GPC6: variants seen among roughly 807,000 people sequenced by gnomAD.
The protein encoded by GPC6 is glypican 6.
GPC6 carries 14 observed loss-of-function variants against 55.2 expected under a neutral mutation model. The ratio of observed to expected loss-of-function variants is 0.25; its 90% CI spans 0.17 to 0.40. The LOEUF is 0.40. Ranked by LOEUF, GPC6 falls within the 10% of genes least tolerant of loss-of-function variation. The pLI is 1.00. For synonymous variants in GPC6, 278 were observed against 259.6 expected, an observed-to-expected ratio of 1.07 and a Z score of -0.68; for missense variants, 641 against 708.5, an observed-to-expected ratio of 0.90 and a Z score of 1.08.
chr13:94,146,606 G>A (rs1887570703), intron 4 of GPC6, among the ~76,000 whole-genome samples: 1 of 152,072 alleles, frequency 6.6e-6, no homozygotes, highest in South Asian at 2.1e-4. Context: ...TATCAATAAT[G>A]TGCAAGATAG....
intron 4 of GPC6, among the ~76,000 whole-genome samples, chr13:94,204,024 T>C (rs1385880683): frequency 6.6e-6 from 1 of 152,174 alleles, no homozygotes; most frequent in Non-Finnish European, 1.5e-5. Flanking sequence ...TTTAAACATA[T>C]AACTTTGAAG....
intron 1 of GPC6, among the ~76,000 whole-genome samples, chr13:93,316,476 A>G (rs946757236): frequency 1.3e-5 from 2 of 152,104 alleles, no homozygotes; most frequent in African/African-American, 4.8e-5. Flanking sequence ...TGAACAAATT[A>G]TTGTGCAGGT....
chr13:93,346,983 A>T, intron 1 of GPC6, among the ~76,000 whole-genome samples: 1 of 152,200 alleles, frequency 6.6e-6, no homozygotes, highest in Non-Finnish European at 1.5e-5. Flanking sequence ...ATAAATGATA[A>T]ATCAAAACTA....
intron 2 of GPC6, among the ~76,000 whole-genome samples, chr13:93,820,539 C>G (rs1307945642): frequency 6.6e-6 from 1 of 150,980 alleles, no homozygotes; most frequent in East Asian, 1.9e-4. Flanking sequence ...TGTTGCAGGG[C>G]CTTTGATAGT....
intron 6 of GPC6, among the ~76,000 whole-genome samples, chr13:94,338,122 T>C (rs907436240): frequency 1.5e-4 from 23 of 152,224 alleles, no homozygotes; most frequent in African/African-American, 5.5e-4. Flanking sequence ...TTTTAAAAAA[T>C]AGAAATCACA....
intron 1 of GPC6, among the ~76,000 whole-genome samples, chr13:93,542,368 G>A (rs1311940999): frequency 1.3e-5 from 2 of 152,230 alleles, no homozygotes; most frequent in Admixed American, 1.3e-4. Flanking sequence ...GCTCTGTTCT[G>A]TACCATTGAT....
intron 2 of GPC6, among the ~76,000 whole-genome samples, chr13:93,675,601 A>G (rs183051879): frequency 1.3e-5 from 2 of 152,258 alleles, no homozygotes; most frequent in Admixed American, 6.5e-5. Flanking sequence ...TTTTGCATAC[A>G]TTTTAGTTCA....
At chr13:93,217,086 A>G in the GPC6 span, among the ~76,000 whole-genome samples, 11 of 152,230 alleles carry the variant, frequency 7.2e-5, no homozygotes, top group Admixed American at 7.2e-4. Flanking sequence ...AAGTCCAAAG[A>G]CTTCTAATGA....
At chr13:93,440,554 A>G (rs1414997725) in intron 1 of GPC6, among the ~76,000 whole-genome samples, 2 of 152,204 alleles carry the variant, frequency 1.3e-5, no homozygotes, top group African/African-American at 2.4e-5. Context: ...GGGTGTCAAA[A>G]AGATCACCCA....
At chr13:93,547,802 A>C (rs9584126) in intron 2 of GPC6, among the ~76,000 whole-genome samples, 3,547 of 151,682 alleles carry the variant, frequency 0.023, 90 homozygotes, top group East Asian at 0.078. Flanking sequence ...TAATAATAAT[A>C]ATCATCATCA....
chr13:94,099,567 G>A (rs1468290255), intron 4 of GPC6, among the ~76,000 whole-genome samples: 5 of 152,036 alleles, frequency 3.3e-5, no homozygotes, highest in Non-Finnish European at 5.9e-5. Context: ...CTACTGCTGC[G>A]CCAATTTGAA....
rs972973536 is a variant in GPC6, at chr13:93,357,670, T to A, written c.160+130054T>A. Among the ~76,000 whole-genome samples the A allele has an allele frequency of 7.3e-5, 11 of 150,350 alleles. No homozygotes were observed. The Admixed American group carries it at 7.4e-4, about 10-fold the overall frequency. The stretch of plus-strand genomic sequence containing the variant: ...CCTGAGCAACATGACAAAGACCCCA[T>A]CTTTACAAAAAAAAAATAGCCAAAC... On this transcript the variant is annotated intron_variant, in intron 1 of 8. Transcript: ENST00000377047.
intron 3 of GPC6, among the ~76,000 whole-genome samples, chr13:94,009,423 TC>T (rs1304793661): frequency 6.6e-6 from 1 of 152,194 alleles, no homozygotes; most frequent in African/African-American, 2.4e-5. Flanking sequence ...TTTGAATTGT[TC>T]CTAGCATCCC....
rs112025039 is a variant in GPC6, at chr13:94,220,732, C to T, written c.878-65617C>T. Among the ~76,000 whole-genome samples the T allele has an allele frequency of 4.7e-3, 721 of 152,132 alleles. 12 individuals are homozygous for T. The highest frequency in any genetic ancestry group is 0.017 in the African/African-American group (687 of 41,510). ...GTTCCTTGGTTTATGGCAGCATAACCTGAATATTCACATGGCATTCTTCCC... is the reference window on the plus strand; with the variant it reads ...GTTCCTTGGTTTATGGCAGCATAACTTGAATATTCACATGGCATTCTTCCC... On this transcript the variant is annotated intron_variant, in intron 4 of 8. Transcript: ENST00000377047.
intron 4 of GPC6, among the ~76,000 whole-genome samples, chr13:94,215,192 T>G (rs192390103): frequency 6.6e-6 from 1 of 152,340 alleles, no homozygotes; most frequent in East Asian, 1.9e-4. Context: ...TGCAGTGAAT[T>G]GGAGTGGTAT....
At chr13:93,340,741 T>C (rs1880227261) in intron 1 of GPC6, among the ~76,000 whole-genome samples, 1 of 152,206 alleles carries the variant, frequency 6.6e-6, no homozygotes, top group African/African-American at 2.4e-5. Flanking sequence ...GATACCCTTA[T>C]GGACCATAGC....
chr13:94,173,669 G>A (rs544933780), intron 4 of GPC6, among the ~76,000 whole-genome samples: 41 of 152,216 alleles, frequency 2.7e-4, no homozygotes, highest in African/African-American at 9.9e-4. Context: ...GGTGGAGCCC[G>A]AACTCAAGTT....
chr13:93,982,625 C>T (rs1475071606), intron 3 of GPC6, among the ~76,000 whole-genome samples: 3 of 152,186 alleles, frequency 2.0e-5, no homozygotes, highest in African/African-American at 7.2e-5. Context: ...TATCCACCAA[C>T]TTACTAAGGA....
intron 2 of GPC6, among the ~76,000 whole-genome samples, chr13:93,804,181 TA>T (rs992088720): frequency 6.6e-6 from 1 of 151,906 alleles, no homozygotes; most frequent in Non-Finnish European, 1.5e-5. Context: ...TGGAATTGAA[TA>T]AAAAAAATGG....
Sources: gnomAD v4.1 joint callset for allele counts (sites outside exome capture counted in the v4.1 genomes callset) on GRCh38, gnomAD v4.1.1 for gene constraint, MANE v1.5 for transcripts, NCBI Gene and HGNC (gene_info 2026-07-23, HGNC 2026-07-21) for gene names.